ADAMTS12: variants seen among roughly 807,000 people sequenced by gnomAD.
ADAMTS12 encodes A disintegrin and metalloproteinase with thrombospondin motifs 12.
A neutral mutation model predicts 167.8 loss-of-function variants in ADAMTS12; 118 were observed. That is an observed-to-expected ratio of 0.70 (90% CI 0.61 to 0.82). ADAMTS12 has a LOEUF of 0.82. Among genes scored for constraint, ADAMTS12 ranks in the 40% least tolerant of loss-of-function variants. The pLI, the probability that ADAMTS12 is intolerant of heterozygous loss-of-function variation, is 0.00. For missense variants in ADAMTS12, 1,916 were observed against 1,998.8 expected (o/e 0.96, Z 0.79); for synonymous variants, 704 against 716.9 (o/e 0.98, Z 0.29).
intron 2 of ADAMTS12, among the ~76,000 whole-genome samples, chr5:33,868,483 C>T: frequency 6.6e-6 from 1 of 152,188 alleles, no homozygotes; most frequent in Admixed American, 6.5e-5. Flanking sequence ...GCAAAGGTCA[C>T]TTTTGTTATA....
At chr5:33,658,988 C>G (rs540548366) in intron 6 of ADAMTS12, among the ~76,000 whole-genome samples, 1 of 152,302 alleles carries the variant, frequency 6.6e-6, no homozygotes, top group East Asian at 1.9e-4. Context: ...ACGGACAAGA[C>G]TTTTGAAAGA....
At chr5:33,639,828 T>C (rs975132296) in intron 11 of ADAMTS12, among the ~76,000 whole-genome samples, 6 of 152,216 alleles carry the variant, frequency 3.9e-5, no homozygotes, top group African/African-American at 1.4e-4. Context: ...TGAGATTTTC[T>C]ATACCTCCCC....
At chr5:33,883,341 T>G (rs376184234) in intron 1 of ADAMTS12, among the ~76,000 whole-genome samples, 363 of 114,436 alleles carry the variant, frequency 3.2e-3, no homozygotes, top group Middle Eastern at 0.014. Context: ...TTTTTTTTTT[T>G]GTTTTTTTTT....
intron 21 of ADAMTS12, among the ~76,000 whole-genome samples, chr5:33,546,485 T>C (rs1744991511): frequency 2.6e-5 from 4 of 152,186 alleles, no homozygotes; most frequent in Admixed American, 1.3e-4. Context: ...TTTTTTATAA[T>C]GATTTAGATT....
intron 2 of ADAMTS12, among the ~76,000 whole-genome samples, chr5:33,756,562 A>G (rs572032385): frequency 6.6e-6 from 1 of 152,274 alleles, no homozygotes; most frequent in Admixed American, 6.5e-5. Context: ...CCTCAGAATA[A>G]AGAGAGGTGG....
chr5:33,747,925 C>A (rs564641817), intron 3 of ADAMTS12, among the ~76,000 whole-genome samples: 3 of 152,118 alleles, frequency 2.0e-5, no homozygotes, highest in Admixed American at 2.0e-4. Context: ...CCCAAAGAAC[C>A]TAGGAAAAAC....
Position 33,798,347 on chromosome 5 carries a change from A to G in ADAMTS12, c.490-46799T>C, listed in dbSNP as rs370859465. On this transcript the variant is annotated intron_variant, in intron 2 of 23. Transcript: ENST00000504830. ...GTGTCAGCAGGCTTGGTTTCTCCCA[A>G]GAACCCTCTCCTTGGTTAGCAGACA... Among the ~76,000 whole-genome samples the G allele has an allele frequency of 8.6e-5, 13 of 152,018 alleles. 1 individual carries two copies. The highest frequency in any genetic ancestry group is 1.9e-4 in the East Asian group (1 of 5,170).
chr5:33,804,099 C>A (rs955170079), intron 2 of ADAMTS12, among the ~76,000 whole-genome samples: 1 of 152,064 alleles, frequency 6.6e-6, no homozygotes, highest in African/African-American at 2.4e-5. Context: ...TTATAAGGAC[C>A]GAATGGGATA....
At chr5:33,863,792 T>C (rs1749712303) in intron 2 of ADAMTS12, among the ~76,000 whole-genome samples, 1 of 152,166 alleles carries the variant, frequency 6.6e-6, no homozygotes, top group African/African-American at 2.4e-5. Context: ...TCACACTACC[T>C]GACTTCAAAC....
intron 5 of ADAMTS12, among the ~76,000 whole-genome samples, chr5:33,672,921 G>A (rs1741768128): frequency 6.6e-6 from 1 of 152,216 alleles, no homozygotes; most frequent in Admixed American, 6.5e-5. Flanking sequence ...GGCATTGGCA[G>A]AGCAGGGCTT....
intron 2 of ADAMTS12, chr5:33,840,207 A>G (rs1290469574): frequency 3.3e-5 from 5 of 152,232 alleles, no homozygotes; most frequent in Non-Finnish European, 7.3e-5. Context: ...AAATATCAGC[A>G]TAGCCTACTT....
intron 3 of ADAMTS12, among the ~76,000 whole-genome samples, chr5:33,697,222 C>G (rs889952724): frequency 1.3e-5 from 2 of 152,160 alleles, no homozygotes; most frequent in African/African-American, 4.8e-5. Flanking sequence ...AGATAAGGTA[C>G]AAATAATGCC....
intron 19 of ADAMTS12, among the ~76,000 whole-genome samples, chr5:33,565,420 G>A (rs1046016830): frequency 2.6e-5 from 4 of 152,208 alleles, no homozygotes; most frequent in African/African-American, 9.6e-5. Context: ...CCAGAGTGCT[G>A]GGATTACAGG....
rs201817320 is a variant in ADAMTS12, at chr5:33,781,993, T to A, written c.490-30445A>T. Among the ~76,000 whole-genome samples, 3 of 152,252 alleles carry A rather than the reference T, an allele frequency of 2.0e-5. No homozygotes were observed. The East Asian group carries it at 5.8e-4, about 29-fold the overall frequency. ...TAAACTCTTATTTATCCATTAAAGC[T>A]CAGCTGAATTATGGCTTCCTGTATC... On this transcript the variant is annotated intron_variant, in intron 2 of 23. Coordinates refer to ENST00000504830, the MANE Select transcript of ADAMTS12 (RefSeq NM_030955.4).
At chr5:33,582,475 A>C (rs373819379) in intron 18 of ADAMTS12, among the ~76,000 whole-genome samples, 2 of 152,300 alleles carry the variant, frequency 1.3e-5, no homozygotes. Flanking sequence ...ACATGAGTCT[A>C]GCTTTGCTTC....
At chr5:33,590,648 T>C (rs999707436) in intron 17 of ADAMTS12, among the ~76,000 whole-genome samples, 13 of 152,232 alleles carry the variant, frequency 8.5e-5, no homozygotes, top group African/African-American at 2.9e-4. Context: ...AAGAAATTTA[T>C]TTTTTATTTT....
At chr5:33,665,683 G>A in intron 5 of ADAMTS12, among the ~76,000 whole-genome samples, 1 of 152,104 alleles carries the variant, frequency 6.6e-6, no homozygotes, top group East Asian at 1.9e-4. Flanking sequence ...ACCTCAATAG[G>A]GAAGGCATCA....
At chr5:33,837,155 A>C (rs1748559939) in intron 2 of ADAMTS12, among the ~76,000 whole-genome samples, 1 of 152,112 alleles carries the variant, frequency 6.6e-6, no homozygotes, top group African/African-American at 2.4e-5. Flanking sequence ...TGTGTAGACA[A>C]ACTCTTAGGG....
chr5:33,699,418 A>T (rs1742913216), intron 3 of ADAMTS12, among the ~76,000 whole-genome samples: 1 of 152,034 alleles, frequency 6.6e-6, no homozygotes, highest in Non-Finnish European at 1.5e-5. Flanking sequence ...AAATTAACTC[A>T]AAATGGATTA....
Sources: allele counts gnomAD v4.1 joint callset (sites outside exome capture counted in the v4.1 genomes callset), GRCh38; gene constraint gnomAD v4.1.1; transcripts MANE v1.5; gene names NCBI Gene and HGNC (gene_info 2026-07-23, HGNC 2026-07-21).